AMBRA1: variants seen among roughly 807,000 people sequenced by gnomAD.
AMBRA1 encodes activating molecule in BECN1-regulated autophagy protein 1.
A neutral mutation model predicts 125.4 loss-of-function variants in AMBRA1; 47 were observed. The observed-to-expected ratio is 0.37, with a 90% CI of 0.30 to 0.48. AMBRA1 has a LOEUF of 0.48. Ranked by LOEUF, AMBRA1 falls within the 20% of genes least tolerant of loss-of-function variation. AMBRA1 has a pLI of 0.99. For synonymous variants in AMBRA1, 626 were observed against 655.5 expected (o/e 0.95, Z 0.69); for missense variants, 1,331 against 1,693.4 (o/e 0.79, Z 3.76).
chr11:46,459,056 C>T (rs990001058), intron 11 of AMBRA1, among the ~76,000 whole-genome samples: 1 of 152,084 alleles, frequency 6.6e-6, no homozygotes, highest in Non-Finnish European at 1.5e-5. Context: ...AAACATCCAT[C>T]GGGAAGAAAA....
At chr11:46,428,090 A>C (rs992747337) in intron 14 of AMBRA1, among the ~76,000 whole-genome samples, 2 of 151,564 alleles carry the variant, frequency 1.3e-5, no homozygotes, top group African/African-American at 4.9e-5. Context: ...AGGGGGAGGC[A>C]TATTGCTAGC....
chr11:46,496,382 C>CAAATA (rs1204345302), intron 9 of AMBRA1, among the ~76,000 whole-genome samples: 4 of 151,568 alleles, frequency 2.6e-5, no homozygotes, highest in South Asian at 2.1e-4. Context: ...AACTCTGTCT[C>CAAATA]AAATAAAATA....
intron 11 of AMBRA1, among the ~76,000 whole-genome samples, chr11:46,492,816 G>A (rs1051763737): frequency 1.3e-5 from 2 of 152,234 alleles, no homozygotes; most frequent in African/African-American, 4.8e-5. Flanking sequence ...TCGGGAGGCT[G>A]AGGCAGGCAG....
chr11:46,475,958 G>A (rs1340614184), intron 11 of AMBRA1, among the ~76,000 whole-genome samples: 3 of 152,050 alleles, frequency 2.0e-5, no homozygotes, highest in African/African-American at 4.8e-5. Flanking sequence ...TCCAGGTGTC[G>A]GAAAAGAACA....
At chr11:46,493,764 C>T in intron 10 of AMBRA1, 56 bp from the exon 11 acceptor site, 1 of 1,377,604 alleles carries the variant, frequency 7.3e-7, no homozygotes, top group Non-Finnish European at 1.0e-6. Flanking sequence ...GAAACAGATA[C>T]TAACTACCTA....
intron 9 of AMBRA1, among the ~76,000 whole-genome samples, chr11:46,495,795 A>G (rs1950607321): frequency 6.6e-6 from 1 of 152,258 alleles, no homozygotes; most frequent in African/African-American, 2.4e-5. Context: ...AATTCATTTA[A>G]AAGTACAATT....
intron 7 of AMBRA1, among the ~76,000 whole-genome samples, chr11:46,526,038 TC>T (rs1265082248): frequency 6.6e-6 from 1 of 151,542 alleles, no homozygotes; most frequent in Non-Finnish European, 1.5e-5. Context: ...AAACCCCATC[TC>T]TACTAAAAAT....
intron 11 of AMBRA1, among the ~76,000 whole-genome samples, chr11:46,455,286 A>T (rs1480134550): frequency 6.6e-6 from 1 of 152,136 alleles, no homozygotes; most frequent in Non-Finnish European, 1.5e-5. Flanking sequence ...GTAGAACTGT[A>T]TGTATGTAAC....
intron 1 of AMBRA1, among the ~76,000 whole-genome samples, chr11:46,588,470 G>T (rs1364346162): frequency 6.6e-6 from 1 of 152,072 alleles, no homozygotes; most frequent in African/African-American, 2.4e-5. Flanking sequence ...TTTTCTCAAT[G>T]TAATCAACTT....
chr11:46,427,544 T>C (rs1947205252), intron 14 of AMBRA1, among the ~76,000 whole-genome samples: 1 of 152,202 alleles, frequency 6.6e-6, no homozygotes, highest in South Asian at 2.1e-4. Context: ...GAAGGCTTGT[T>C]AAAACACACA....
At chr11:46,528,477 A>G (rs1236218363) in intron 7 of AMBRA1, among the ~76,000 whole-genome samples, 1 of 152,172 alleles carries the variant, frequency 6.6e-6, no homozygotes, top group Non-Finnish European at 1.5e-5. Flanking sequence ...AGCCACTGTG[A>G]CATATTAATA....
intron 1 of AMBRA1, among the ~76,000 whole-genome samples, chr11:46,571,715 G>T (rs2043764296): frequency 1.3e-4 from 1 of 7,422 alleles, no homozygotes; most frequent in African/African-American, 6.0e-4. Context: ...TTGAGACAAA[G>T]TGTCCCTCTG....
chr11:46,451,575 A>G (rs1208119665), intron 11 of AMBRA1, among the ~76,000 whole-genome samples: 3 of 152,142 alleles, frequency 2.0e-5, no homozygotes, highest in Admixed American at 6.5e-5. Context: ...TCATTAGCAA[A>G]TCTATCAGAA....
chr11:46,460,702 A>C (rs1365360750), intron 11 of AMBRA1, among the ~76,000 whole-genome samples: 5 of 152,226 alleles, frequency 3.3e-5, no homozygotes, highest in Non-Finnish European at 7.3e-5. Context: ...CATATAAACC[A>C]AAGTCATAAG....
In AMBRA1 at chr11:46,397,962, A is replaced by G. The variant is rs1053844695; in HGVS notation, c.3404-19T>C. The G allele has an allele frequency of 7.7e-6, 12 of 1,566,702 alleles. No homozygotes were observed. The highest frequency in any genetic ancestry group is 1.0e-5 in the Non-Finnish European group (12 of 1,157,426). The stretch of plus-strand genomic sequence containing the variant: ...CCCTCACCTGGCAGATACAAAGCAG[A>G]AGAGAGAGCGAATTGGCTGCTGGCC... On this transcript the variant is annotated intron_variant, in intron 17 of 17. Transcript: ENST00000683756.
At chr11:46,483,060 G>A (rs1950135700) in intron 11 of AMBRA1, among the ~76,000 whole-genome samples, 1 of 151,210 alleles carries the variant, frequency 6.6e-6, no homozygotes, top group African/African-American at 2.4e-5. Flanking sequence ...CTGCTTACCA[G>A]GCATCCCTAA....
intron 11 of AMBRA1, among the ~76,000 whole-genome samples, chr11:46,446,905 G>A (rs1184990393): frequency 6.6e-6 from 1 of 152,188 alleles, no homozygotes; most frequent in Non-Finnish European, 1.5e-5. Context: ...TTCCATATCT[G>A]CCAATGGGAT....
At chr11:46,410,027 C>T (rs1200975222) in intron 16 of AMBRA1, among the ~76,000 whole-genome samples, 1 of 152,252 alleles carries the variant, frequency 6.6e-6, no homozygotes, top group Non-Finnish European at 1.5e-5. Context: ...TGTGCCCAGG[C>T]ACCATGGCCA....
chr11:46,523,215 C>G (rs1234113904), intron 7 of AMBRA1, among the ~76,000 whole-genome samples: 1 of 152,210 alleles, frequency 6.6e-6, no homozygotes, highest in East Asian at 1.9e-4. Context: ...AACTGCTTCT[C>G]TTAGTGACAT....
Sources: gnomAD v4.1 joint callset for allele counts (sites outside exome capture counted in the v4.1 genomes callset) on GRCh38, gnomAD v4.1.1 for gene constraint, MANE v1.5 for transcripts, NCBI Gene and HGNC (gene_info 2026-07-23, HGNC 2026-07-21) for gene names.